DUS2: variants seen among roughly 807,000 people sequenced by gnomAD.
The protein encoded by DUS2 is tRNA-dihydrouridine(20) synthase [NAD(P)+]-like.
A neutral mutation model predicts 71.3 loss-of-function variants in DUS2; 52 were observed. The ratio of observed to expected loss-of-function variants is 0.73; its 90% CI spans 0.58 to 0.92. DUS2 has a LOEUF of 0.92. Ranked by LOEUF, DUS2 falls within the 40% of genes least tolerant of loss-of-function variation. DUS2 has a pLI of 0.00. For synonymous variants in DUS2, 204 were observed against 227.8 expected (o/e 0.90, Z 0.94); for missense variants, 558 against 622.6 (o/e 0.90, Z 1.10).
rs8057708 is a variant in DUS2 at position 68,072,639 on chromosome 16, G to A, written c.811-1395G>A. Among the ~76,000 whole-genome samples the A allele has an allele frequency of 6.2e-3, 945 of 152,216 alleles. 11 individuals carry two copies. Among genetic ancestry groups the A allele is most frequent in the African/African-American group, 0.022 (902 of 41,548 alleles). On this transcript the variant is annotated intron_variant, in intron 12 of 16. Transcript: ENST00000565263. ...ACTTACTTCCCACTTTGTCCTGAGCGTGCCGTGGCACTTTCCCAGCCACTG... is the reference window on the plus strand; with the variant it reads ...ACTTACTTCCCACTTTGTCCTGAGCATGCCGTGGCACTTTCCCAGCCACTG...
At chr16:68,061,180 C>A (rs953067890) in intron 8 of DUS2, 67 bp downstream of exon 8, 1 of 1,477,092 alleles carries the variant, frequency 6.8e-7, no homozygotes. Flanking sequence ...GTCTAGAACG[C>A]CTCCTTCCAC....
intron 7 of DUS2, among the ~76,000 whole-genome samples, chr16:68,059,445 G>A (rs1419421297): frequency 2.6e-5 from 4 of 152,204 alleles, no homozygotes; most frequent in African/African-American, 9.7e-5. Context: ...CTATAAGGAA[G>A]GGCTGGATAC....
At chr16:68,036,952 A>C (rs2033539052) in intron 2 of DUS2, among the ~76,000 whole-genome samples, 1 of 151,650 alleles carries the variant, frequency 6.6e-6, no homozygotes, top group African/African-American at 2.4e-5. Flanking sequence ...CTCTATTTCA[A>C]ATTGCAACCC....
chr16:68,057,960 C>T (rs1186698787), intron 7 of DUS2, among the ~76,000 whole-genome samples: 1 of 151,006 alleles, frequency 6.6e-6, no homozygotes, highest in African/African-American at 2.4e-5. Context: ...TATGGTAGCC[C>T]AGAGAAGGGA....
chr16:68,029,347 T>G (rs1205816014), intron 2 of DUS2, among the ~76,000 whole-genome samples: 1 of 152,202 alleles, frequency 6.6e-6, no homozygotes, highest in Non-Finnish European at 1.5e-5. Context: ...CTTACTATGT[T>G]GCCCTGACTG....
intron 2 of DUS2, among the ~76,000 whole-genome samples, chr16:68,032,865 C>T (rs2033459693): frequency 2.1e-5 from 3 of 142,488 alleles, no homozygotes; most frequent in African/African-American, 5.4e-5. Context: ...GCTAAGATTG[C>T]GCCACTGCAC....
chr16:68,050,852 G>A (rs1177502704), intron 4 of DUS2, among the ~76,000 whole-genome samples: 1 of 152,186 alleles, frequency 6.6e-6, no homozygotes, highest in Admixed American at 6.5e-5. Context: ...GTATTTTGCT[G>A]TTATAAACAG....
chr16:68,064,270 G>C lies in DUS2; in HGVS notation c.418-2047G>C, dbSNP rs1598314704. The stretch of plus-strand genomic sequence containing the variant: ...CTCCCCAAAGACTTGGATCTGGAGA[G>C]TTGGTGTCCAGGAGAGTGTCATGCT... On this transcript the variant is annotated intron_variant, in intron 8 of 16. Coordinates refer to ENST00000565263, the MANE Select transcript of DUS2 (RefSeq NM_017803.5). Among the ~76,000 whole-genome samples the C allele has an allele frequency of 2.6e-5, 4 of 152,324 alleles. 1 individual carries two copies. Among genetic ancestry groups the C allele is most frequent in the Admixed American group, 2.6e-4 (4 of 15,302 alleles).
intron 13 of DUS2, 39 bp from the exon 14 acceptor site, chr16:68,075,316 C>A (rs532387421): frequency 3.3e-6 from 5 of 1,524,200 alleles, no homozygotes; most frequent in Non-Finnish European, 4.4e-6. Context: ...ATGCTGGCTC[C>A]GCTAAAGTGT....
intron 3 of DUS2, among the ~76,000 whole-genome samples, chr16:68,044,040 T>G (rs531851459): frequency 3.3e-5 from 5 of 152,372 alleles, no homozygotes; most frequent in African/African-American, 9.6e-5. Context: ...TCTGTTACGC[T>G]GGTCTGTATG....
intron 10 of DUS2, 129 bp downstream of exon 10, chr16:68,066,765 C>G (rs1191898940): frequency 2.2e-6 from 2 of 906,630 alleles, no homozygotes; most frequent in Non-Finnish European, 3.5e-6. Flanking sequence ...CTCTGCCTAG[C>G]TCTTTGATAT....
rs1305453543 is a variant in DUS2 at position 68,059,534 on chromosome 16, T to C, written c.370-1532T>C. Reference sequence around the variant, plus strand: ...CCTTCAAGGTTTCTTTTATGACCAATGTAGTCCAGGCTTGGTGGATTTTCC... The same window carrying C: ...CCTTCAAGGTTTCTTTTATGACCAACGTAGTCCAGGCTTGGTGGATTTTCC... On this transcript the variant is annotated intron_variant, in intron 7 of 16. Transcript: ENST00000565263. Among the ~76,000 whole-genome samples, 8 of 152,216 alleles carry C rather than the reference T, an allele frequency of 5.3e-5. No homozygotes were observed. In the East Asian group the frequency reaches 1.5e-3, roughly 29 times the overall value.
At chr16:68,057,198 A>T (rs2033871598) in intron 7 of DUS2, among the ~76,000 whole-genome samples, 1 of 143,838 alleles carries the variant, frequency 7.0e-6, no homozygotes, top group South Asian at 2.1e-4. Flanking sequence ...TATATATTAC[A>T]TATATAAATG....
chr16:68,038,906 T>TA (rs1413140838), intron 3 of DUS2, among the ~76,000 whole-genome samples: 2 of 144,204 alleles, frequency 1.4e-5, no homozygotes, highest in African/African-American at 2.6e-5. Flanking sequence ...ATTTATATAT[T>TA]AAAAAAAATA....
chr16:68,051,230 T>C (rs2033774542), intron 4 of DUS2, among the ~76,000 whole-genome samples: 1 of 152,234 alleles, frequency 6.6e-6, no homozygotes, highest in African/African-American at 2.4e-5. Context: ...CTTCTCATTA[T>C]GCACCGTTGT....
At chr16:68,068,753 T>C (rs1004797838) in intron 10 of DUS2, among the ~76,000 whole-genome samples, 7 of 125,650 alleles carry the variant, frequency 5.6e-5, no homozygotes, top group African/African-American at 2.4e-4. Context: ...CATGCCTGGC[T>C]TTTTTTTTTT....
chr16:68,070,791 T>C, intron 11 of DUS2, 149 bp from the exon 12 acceptor site: 1 of 740,512 alleles, frequency 1.4e-6, no homozygotes, highest in Non-Finnish European at 2.2e-6. Flanking sequence ...ATATGGATTC[T>C]AATATCCACT....
chr16:68,078,529 T>G lies in DUS2; in HGVS notation c.1244+11T>G, dbSNP rs1275241531. 6.8e-6 allele frequency: 11 copies of G among 1,613,286 alleles called. No individual in the cohort carries two copies. The highest frequency in any genetic ancestry group is 1.3e-5 in the African/African-American group (1 of 74,930). ...TCAGTCTACCTTGTGGTAAGTTTCC[T>G]TATCATAGGAGAGGAGGCTTGGGGT... On this transcript the variant is annotated intron_variant, in intron 16 of 16. Coordinates refer to ENST00000565263, the MANE Select transcript of DUS2 (RefSeq NM_017803.5).
chr16:68,055,799 T>C (rs1402063179), intron 6 of DUS2, among the ~76,000 whole-genome samples: 1 of 148,360 alleles, frequency 6.7e-6, no homozygotes, highest in South Asian at 2.1e-4. Context: ...ACTATTTAGG[T>C]TGGTGCAAAA....
Sources: gnomAD v4.1 joint callset for allele counts (sites outside exome capture counted in the v4.1 genomes callset) on GRCh38, gnomAD v4.1.1 for gene constraint, MANE v1.5 for transcripts, NCBI Gene and HGNC (gene_info 2026-07-23, HGNC 2026-07-21) for gene names.